The following NRXN3 variants were observed in gnomAD, a reference collection of about 807,000 sequenced individuals.
NRXN3 encodes the protein neurexin 3, also known as neurexin III.
NRXN3 carries 32 observed loss-of-function variants against 137.6 expected under a neutral mutation model. The observed-to-expected ratio is 0.23, with a 90% CI of 0.18 to 0.31. NRXN3 has a LOEUF of 0.31. NRXN3 is among the 10% of genes least tolerant of loss of function. The pLI is 1.00. For synonymous variants in NRXN3, 798 were observed against 784.5 expected (o/e 1.02, Z -0.29); for missense variants, 1,574 against 2,062.5 (o/e 0.76, Z 4.59).
chr14:79,802,772 A>C (rs1344463324), intron 19 of NRXN3, among the ~76,000 whole-genome samples: 1 of 152,192 alleles, frequency 6.6e-6, no homozygotes, highest in East Asian at 1.9e-4. Flanking sequence ...TATGCTTACC[A>C]TGTCTCTAAC....
At chr14:78,790,973 G>A (rs1282489292) in intron 8 of NRXN3, among the ~76,000 whole-genome samples, 3 of 152,108 alleles carry the variant, frequency 2.0e-5, no homozygotes, top group Non-Finnish European at 4.4e-5. Flanking sequence ...TAGTACTTTT[G>A]TTTACTTCTT....
chr14:79,236,393 AT>A (rs886973408), intron 15 of NRXN3, among the ~76,000 whole-genome samples: 1 of 152,112 alleles, frequency 6.6e-6, no homozygotes, highest in Non-Finnish European at 1.5e-5. Flanking sequence ...GTATATATGA[AT>A]CATAATTTGC....
chr14:79,019,184 C>T (rs1014494758), intron 15 of NRXN3, among the ~76,000 whole-genome samples: 4 of 152,054 alleles, frequency 2.6e-5, no homozygotes, highest in Non-Finnish European at 5.9e-5. Flanking sequence ...CTTGAGTTTC[C>T]TCGTGATGTT....
intron 15 of NRXN3, among the ~76,000 whole-genome samples, chr14:79,171,853 C>T (rs1349809789): frequency 1.3e-5 from 2 of 150,932 alleles, no homozygotes; most frequent in Non-Finnish European, 3.0e-5. Flanking sequence ...AAAATAATTC[C>T]AACTAAGGTA....
intron 16 of NRXN3, among the ~76,000 whole-genome samples, chr14:79,521,459 A>G (rs2097063690): frequency 6.6e-6 from 1 of 152,110 alleles, no homozygotes; most frequent in Non-Finnish European, 1.5e-5. Context: ...CTCAGTCTCG[A>G]CAAATATATT....
intron 15 of NRXN3, among the ~76,000 whole-genome samples, chr14:79,439,464 G>A (rs1203634813): frequency 6.6e-6 from 1 of 152,194 alleles, no homozygotes; most frequent in African/African-American, 2.4e-5. Flanking sequence ...GCATCCCAGT[G>A]ACATTGCTCC....
chr14:79,790,294 A>G (rs2099141050), intron 19 of NRXN3, among the ~76,000 whole-genome samples: 1 of 151,002 alleles, frequency 6.6e-6, no homozygotes, highest in African/African-American at 2.4e-5. Context: ...AGAGGGAGAG[A>G]GGGAGCAAGG....
intron 15 of NRXN3, among the ~76,000 whole-genome samples, chr14:79,132,318 A>G (rs921462947): frequency 6.6e-6 from 1 of 152,236 alleles, no homozygotes; most frequent in Admixed American, 6.5e-5. Context: ...TGTGAAATGT[A>G]TATACAGATA....
chr14:79,560,448 C>G (rs924399033), intron 16 of NRXN3, among the ~76,000 whole-genome samples: 1 of 148,650 alleles, frequency 6.7e-6, no homozygotes, highest in Non-Finnish European at 1.5e-5. Flanking sequence ...TTCTGGAAGC[C>G]ATTTTGACAC....
intron 16 of NRXN3, among the ~76,000 whole-genome samples, chr14:79,520,378 G>T (rs1207965276): frequency 6.6e-6 from 1 of 152,048 alleles, no homozygotes; most frequent in East Asian, 1.9e-4. Flanking sequence ...CACCTGCCAT[G>T]GTGGTTTGCT....
At chr14:79,092,418 C>T (rs2049383257) in intron 15 of NRXN3, among the ~76,000 whole-genome samples, 1 of 152,142 alleles carries the variant, frequency 6.6e-6, no homozygotes, top group African/African-American at 2.4e-5. Flanking sequence ...AAGTGGGAAC[C>T]ACTGTTAACA....
chr14:78,366,765 C>T (rs1597834034), intron 4 of NRXN3, among the ~76,000 whole-genome samples: 1 of 152,198 alleles, frequency 6.6e-6, no homozygotes, highest in Admixed American at 6.5e-5. Context: ...AAAGACCCAC[C>T]TCCATGATTC....
intron 15 of NRXN3, among the ~76,000 whole-genome samples, chr14:79,432,607 T>C (rs1437800868): frequency 6.6e-6 from 1 of 152,248 alleles, no homozygotes; most frequent in Non-Finnish European, 1.5e-5. Flanking sequence ...ACACATATTA[T>C]TGAATAATTT....
At chr14:78,591,078 G>A (rs767166393) in intron 4 of NRXN3, among the ~76,000 whole-genome samples, 33 of 152,154 alleles carry the variant, frequency 2.2e-4, no homozygotes, top group Non-Finnish European at 3.4e-4. Context: ...CCATGCCTTG[G>A]TGTTACTGGT....
intron 15 of NRXN3, among the ~76,000 whole-genome samples, chr14:79,125,099 G>A (rs925778935): frequency 3.3e-5 from 5 of 151,162 alleles, no homozygotes; most frequent in East Asian, 3.9e-4. Context: ...AATTATTTAC[G>A]TACTTAAACT....
At chr14:78,908,704 A>G (rs146844152) in intron 10 of NRXN3, among the ~76,000 whole-genome samples, 109 of 152,194 alleles carry the variant, frequency 7.2e-4, no homozygotes, top group Middle Eastern at 3.4e-3. Flanking sequence ...AGGATAAGAC[A>G]TTGGTTTGAA....
chr14:79,679,697 A>G (rs937591456), intron 17 of NRXN3, among the ~76,000 whole-genome samples: 2 of 152,138 alleles, frequency 1.3e-5, no homozygotes, highest in Non-Finnish European at 2.9e-5. Flanking sequence ...ATTTCATAGG[A>G]AAAAAATACT....
chr14:79,586,136 A>G (rs1457044700), intron 16 of NRXN3, among the ~76,000 whole-genome samples: 1 of 152,250 alleles, frequency 6.6e-6, no homozygotes, highest in Non-Finnish European at 1.5e-5. Context: ...AACAGAGTCA[A>G]TCATAATTAG....
At chr14:78,216,189 CAG>C (rs2063262005) in intron 1 of NRXN3, among the ~76,000 whole-genome samples, 1 of 145,652 alleles carries the variant, frequency 6.9e-6, no homozygotes, top group South Asian at 2.3e-4. Flanking sequence ...TATTCAAAGA[CAG>C]ATTTTTTTTT....
Sources: gnomAD v4.1 joint callset for allele counts (sites outside exome capture counted in the v4.1 genomes callset) on GRCh38, gnomAD v4.1.1 for gene constraint, MANE v1.5 for transcripts, NCBI Gene and HGNC (gene_info 2026-07-23, HGNC 2026-07-21) for gene names.